ADAM10: variants seen among roughly 807,000 people sequenced by gnomAD.
The protein encoded by ADAM10 is ADAM metallopeptidase domain 10.
A neutral mutation model predicts 90.1 loss-of-function variants in ADAM10; 17 were observed. That is an observed-to-expected ratio of 0.19 (90% CI 0.13 to 0.28). The LOEUF is 0.28. Ranked by LOEUF, ADAM10 falls within the 10% of genes least tolerant of loss-of-function variation. ADAM10 has a pLI of 1.00. For missense variants in ADAM10, 610 were observed against 914.3 expected (o/e 0.67, Z 4.29); for synonymous variants, 310 against 298.6 (o/e 1.04, Z -0.40).
intron 5 of ADAM10, among the ~76,000 whole-genome samples, chr15:58,648,991 G>T (rs1013825445): frequency 4.6e-5 from 7 of 152,006 alleles, no homozygotes; most frequent in African/African-American, 9.7e-5. Context: ...AGTTTGTGGG[G>T]TTTTGTTGCT....
intron 2 of ADAM10, among the ~76,000 whole-genome samples, chr15:58,709,041 C>A (rs1898391802): frequency 6.6e-6 from 1 of 152,164 alleles, no homozygotes; most frequent in Non-Finnish European, 1.5e-5. Flanking sequence ...TACAAGGTTT[C>A]CCTGATGCTT....
At position 58,685,545 on chromosome 15, in the gene ADAM10, AATATATATATATATATATATATATAT is replaced by A. The variant is rs56776777; in HGVS notation, c.207-3257_207-3232del. Among the ~76,000 whole-genome samples, 34 of 116,228 alleles carry A rather than the reference AATATATATATATATATATATATATAT, an allele frequency of 2.9e-4. No individual in the cohort carries two copies. In the South Asian group the frequency reaches 5.6e-3, roughly 19 times the overall value. The allele number at this position is 116,228 out of a possible 152,430, so 76.3% of individuals were successfully genotyped here. On this transcript the variant is annotated intron_variant, in intron 2 of 15. Transcript: ENST00000260408. Reference sequence around the variant, plus strand: ...TTTTAAAAACAAGAATATGAAGGAGAATATATATATATATATATATATATATATATATATATATGTATATATACATA... The same window carrying A: ...TTTTAAAAACAAGAATATGAAGGAGAATATATATATATGTATATATACATA...
intron 2 of ADAM10, among the ~76,000 whole-genome samples, chr15:58,689,946 C>CG (rs1480266414): frequency 7.9e-6 from 1 of 126,492 alleles, no homozygotes; most frequent in African/African-American, 2.9e-5. Flanking sequence ...AAAGACAGAC[C>CG]CCCCCCAAAA....
intron 2 of ADAM10, among the ~76,000 whole-genome samples, chr15:58,685,160 T>TAAAAAA (rs140613738): frequency 8.4e-6 from 1 of 119,120 alleles, no homozygotes; most frequent in Non-Finnish European, 1.8e-5. Flanking sequence ...TTATATTAAG[T>TAAAAAA]AAAAAAAAAA....
intron 2 of ADAM10, among the ~76,000 whole-genome samples, chr15:58,683,235 T>C (rs1201088584): frequency 2.0e-5 from 3 of 152,228 alleles, no homozygotes; most frequent in African/African-American, 4.8e-5. Flanking sequence ...ATAATAGAAT[T>C]TCTACTTAAT....
At chr15:58,712,916 A>G (rs1898523571) in intron 2 of ADAM10, among the ~76,000 whole-genome samples, 1 of 152,194 alleles carries the variant, frequency 6.6e-6, no homozygotes, top group East Asian at 1.9e-4. Context: ...TACATCACGC[A>G]CTTTCACATG....
chr15:58,694,246 T>G (rs1897909814), intron 2 of ADAM10, among the ~76,000 whole-genome samples: 1 of 152,072 alleles, frequency 6.6e-6, no homozygotes, highest in African/African-American at 2.4e-5. Flanking sequence ...GGTGAGGAGT[T>G]CAAGACCAGC....
intron 11 of ADAM10, among the ~76,000 whole-genome samples, chr15:58,614,261 G>C (rs900802665): frequency 5.9e-5 from 9 of 151,326 alleles, no homozygotes; most frequent in Admixed American, 3.9e-4. Flanking sequence ...CTCCAGCCTG[G>C]GTGATGAAGT....
chr15:58,613,414 T>A (rs776201373), intron 11 of ADAM10, among the ~76,000 whole-genome samples: 24 of 151,770 alleles, frequency 1.6e-4, no homozygotes, highest in Non-Finnish European at 2.4e-4. Context: ...CAAATATATA[T>A]GACACCACCA....
chr15:58,638,614 C>CAAAAAAAAAAAAAAAAAAA (rs60048171), intron 8 of ADAM10, among the ~76,000 whole-genome samples: 3 of 78,202 alleles, frequency 3.8e-5, no homozygotes, highest in Non-Finnish European at 8.1e-5. Context: ...CACTCTGTCT[C>CAAAAAAAAAAAAAAAAAAA]AAAAAAAAAA....
chr15:58,697,387 C>T (rs551510341), intron 2 of ADAM10, among the ~76,000 whole-genome samples: 1 of 152,240 alleles, frequency 6.6e-6, no homozygotes, highest in South Asian at 2.1e-4. Context: ...ATGGGGATCA[C>T]CCCACCCCTG....
rs781462529 is a variant in ADAM10 at position 58,692,197 on chromosome 15, T to C, written c.207-9883A>G. On this transcript the variant is annotated intron_variant, in intron 2 of 15. Coordinates refer to ENST00000260408, the MANE Select transcript of ADAM10 (RefSeq NM_001110.4). ...CTAAAAAAGGTCAAAGGGAGCCTGA[T>C]GAGGGATGAACAGCAATGCCCTGAA... is the stretch of plus-strand genomic sequence containing the variant. The C allele has an allele frequency of 5.3e-6, 3 of 562,948 alleles. No individual in the cohort carries two copies. In the African/African-American group the frequency reaches 5.7e-5, roughly 11 times the overall value. The allele number at this position is 562,948 out of a possible 1,614,324, so 34.9% of individuals were successfully genotyped here. A position where few individuals can be genotyped will look rare whatever the true frequency, so the allele number is the denominator to read the frequency against.
chr15:58,736,212 C>T (rs1899425614), intron 1 of ADAM10, among the ~76,000 whole-genome samples: 1 of 152,142 alleles, frequency 6.6e-6, no homozygotes, highest in South Asian at 2.1e-4. Context: ...ATTATTCCTA[C>T]ATAAAAACAG....
chr15:58,649,472 G>A (rs548569280), intron 5 of ADAM10, among the ~76,000 whole-genome samples: 3 of 152,006 alleles, frequency 2.0e-5, no homozygotes, highest in Admixed American at 6.6e-5. Context: ...ATTTGAGCCC[G>A]CAATCTTTTC....
intron 2 of ADAM10, among the ~76,000 whole-genome samples, chr15:58,697,156 G>A (rs1342457176): frequency 1.3e-5 from 2 of 152,134 alleles, no homozygotes; most frequent in African/African-American, 4.8e-5. Flanking sequence ...GCTGGCTGCT[G>A]CCACTGGTGC....
In ADAM10 at chr15:58,589,396, T is replaced by A. The variant is rs780134122; in HGVS notation, c.*8151A>T. The A allele has an allele frequency of 6.6e-5, 10 of 152,200 alleles. No individual in the cohort carries two copies. The highest frequency in any genetic ancestry group is 1.5e-5 in the Non-Finnish European group (1 of 68,046). The allele number at this position is 152,200 out of a possible 1,614,324, so 9.4% of individuals were successfully genotyped here. On this transcript the variant is annotated 3_prime_UTR_variant, in exon 16 of 16. Transcript: ENST00000260408. The stretch of plus-strand genomic sequence containing the variant: ...GAAACTCCAAAACTCAGGTCCAGCT[T>A]TTCTCCTCTGGGAAGTCATCTTGGC...
chr15:58,601,139 C>A (rs1431094637), intron 14 of ADAM10, among the ~76,000 whole-genome samples: 3 of 152,006 alleles, frequency 2.0e-5, no homozygotes, highest in Admixed American at 2.0e-4. Context: ...AGAAAAGTTG[C>A]AAGTACAATT....
chr15:58,692,536 T>G (rs780386187), intron 2 of ADAM10: 1 of 527,472 alleles, frequency 1.9e-6, no homozygotes, highest in Non-Finnish European at 3.9e-6. Context: ...GATTTCCTTC[T>G]CTGGTTCCTT....
chr15:58,696,480 C>T (rs55931809), intron 2 of ADAM10, among the ~76,000 whole-genome samples: 95,772 of 145,180 alleles, frequency 0.66, 31,321 homozygotes, highest in South Asian at 0.69. Flanking sequence ...TTTTTTTTTT[C>T]CCAAGATGAG....
Sources: allele counts gnomAD v4.1 joint callset (sites outside exome capture counted in the v4.1 genomes callset), GRCh38; gene constraint gnomAD v4.1.1; transcripts MANE v1.5; gene names NCBI Gene and HGNC (gene_info 2026-07-23, HGNC 2026-07-21).